The following ABHD17B variants were observed in gnomAD, a reference collection of about 807,000 sequenced individuals.
ABHD17B encodes the protein abhydrolase domain containing 17B, depalmitoylase.
ABHD17B carries 9 observed loss-of-function variants against 26.2 expected under a neutral mutation model. The observed-to-expected ratio is 0.34, with a 90% CI of 0.21 to 0.60. The LOEUF is 0.60. ABHD17B is among the 20% of genes least tolerant of loss of function. The pLI, the probability that ABHD17B is intolerant of heterozygous loss-of-function variation, is 0.80. For missense variants in ABHD17B, 224 were observed against 352.1 expected, an observed-to-expected ratio of 0.64 and a Z score of 2.91; for synonymous variants, 127 against 122.3, an observed-to-expected ratio of 1.04 and a Z score of -0.25.
chr9:71,863,542 T>TTAC (rs569020426), downstream of ABHD17B, among the ~76,000 whole-genome samples: 570 of 152,314 alleles, frequency 3.7e-3, 3 homozygotes, highest in Middle Eastern at 0.014. Flanking sequence ...TCAAACGACC[T>TTAC]TACACACAGT....
rs145153810 is a variant in ABHD17B at position 71,900,394 on chromosome 9, G to A, written c.-4+10240C>T. 1.4e-3 allele frequency among the ~76,000 whole-genome samples: 215 copies of A among 152,244 alleles called. 1 individual carries two copies. The highest frequency in any genetic ancestry group is 5.1e-3 in the African/African-American group (210 of 41,544). On this transcript the variant is annotated intron_variant, in intron 1 of 3. Coordinates refer to ENST00000333421, the MANE Select transcript of ABHD17B (RefSeq NM_001025780.3). ...GTAAAAAAATCAAGGTTCGGGGACG[G>A]TGGCTCGTGCCTGTAATCCCAGCAC...
chr9:71,875,830 C>T (rs1826258729), intron 1 of ABHD17B, among the ~76,000 whole-genome samples: 1 of 152,134 alleles, frequency 6.6e-6, no homozygotes, highest in African/African-American at 2.4e-5. Flanking sequence ...AGCTATTTGT[C>T]AGGCATTGTG....
chr9:71,865,767 A>C lies in ABHD17B; in HGVS notation c.*1020T>G, dbSNP rs1292485937. The stretch of plus-strand genomic sequence containing the variant: ...TACCAGCTACTCAGGAGGCTGAGGC[A>C]GGAGAATCACTTGATCCCGGGAGGC... On this transcript the variant is annotated 3_prime_UTR_variant, in exon 4 of 4. Transcript: ENST00000333421. The C allele has an allele frequency of 7.5e-6, 5 of 670,424 alleles. No homozygotes were observed. The highest frequency in any genetic ancestry group is 9.2e-6 in the Non-Finnish European group (5 of 542,786). 41.5% of individuals were successfully genotyped at this position (670,424 alleles called of 1,614,324 possible).
At chr9:71,873,696 A>AT (rs1021785792) in intron 2 of ABHD17B, among the ~76,000 whole-genome samples, 47 of 146,044 alleles carry the variant, frequency 3.2e-4, no homozygotes, top group South Asian at 8.7e-4. Context: ...GCGCCCAGAC[A>AT]TTTTTTTTTT....
chr9:71,892,897 T>C (rs1826833014), intron 1 of ABHD17B, among the ~76,000 whole-genome samples: 1 of 152,174 alleles, frequency 6.6e-6, no homozygotes, highest in Non-Finnish European at 1.5e-5. Context: ...TTATTTTTCA[T>C]CTTCCCCAAC....
In ABHD17B at chr9:71,870,132, C is replaced by T; in HGVS notation, c.598G>A (p.Val200Ile). ...GTCTTCTTGGTATCAGGAAAGGCAACTCGCATTCCCGAAGTCAGAGGAGAA... is the reference window on the plus strand; with the variant it reads ...GTCTTCTTGGTATCAGGAAAGGCAATTCGCATTCCCGAAGTCAGAGGAGAA... ...LHSPLTSGMRVAFPDTKKTYC... is the reference protein window; with the variant it reads ...LHSPLTSGMRIAFPDTKKTYC... The change falls in exon 3 of 4, where the codon GTT becomes ATT. Residue 200 changes from valine to isoleucine, a missense_variant. Transcript: ENST00000333421. The T allele has an allele frequency of 2.5e-6, 4 of 1,613,856 alleles. No individual in the cohort carries two copies. The highest frequency in any genetic ancestry group is 3.4e-6 in the Non-Finnish European group (4 of 1,179,906).
At chr9:71,903,270 T>C (rs554720837) in intron 1 of ABHD17B, among the ~76,000 whole-genome samples, 26 of 152,090 alleles carry the variant, frequency 1.7e-4, no homozygotes, top group Non-Finnish European at 3.4e-4. Context: ...TAACATCACC[T>C]CAGACACTAT....
At chr9:71,891,717 A>G (rs1205907469) in intron 1 of ABHD17B, among the ~76,000 whole-genome samples, 2 of 152,202 alleles carry the variant, frequency 1.3e-5, no homozygotes, top group Non-Finnish European at 2.9e-5. Flanking sequence ...AGTCAGTGTC[A>G]GTCTGTCTCT....
intron 1 of ABHD17B, among the ~76,000 whole-genome samples, chr9:71,903,235 T>A (rs552541200): frequency 3.9e-5 from 6 of 152,144 alleles, no homozygotes; most frequent in Admixed American, 3.3e-4. Context: ...ATGGGGTACA[T>A]GTGTTTGCTA....
At chr9:71,896,772 G>C (rs1372310044) in intron 1 of ABHD17B, among the ~76,000 whole-genome samples, 1 of 151,958 alleles carries the variant, frequency 6.6e-6, no homozygotes, top group Non-Finnish European at 1.5e-5. Flanking sequence ...GCAAATGACA[G>C]AATTAAAAGG....
At chr9:71,905,205 CTCT>C in intron 1 of ABHD17B, among the ~76,000 whole-genome samples, 1 of 151,992 alleles carries the variant, frequency 6.6e-6, no homozygotes, top group East Asian at 1.9e-4. Context: ...TCACTGCAAC[CTCT>C]GCCTCCCAGG....
At chr9:71,894,356 A>AT (rs898358493) in intron 1 of ABHD17B, among the ~76,000 whole-genome samples, 4 of 151,994 alleles carry the variant, frequency 2.6e-5, no homozygotes, top group African/African-American at 4.8e-5. Context: ...AATTTTTTAG[A>AT]TTTTTTAAAG....
chr9:71,892,343 T>G (rs1352628056), intron 1 of ABHD17B, among the ~76,000 whole-genome samples: 1 of 151,888 alleles, frequency 6.6e-6, no homozygotes, highest in African/African-American at 2.4e-5. Context: ...CCATCCTGGC[T>G]AACACGGTGA....
At chr9:71,890,089 C>G (rs1378519511) in intron 1 of ABHD17B, among the ~76,000 whole-genome samples, 1 of 151,462 alleles carries the variant, frequency 6.6e-6, no homozygotes, top group African/African-American at 2.4e-5. Context: ...TGGTGAGACC[C>G]TGTTTCTACT....
chr9:71,862,550 C>T (rs754387623), downstream of ABHD17B: 3 of 1,585,906 alleles, frequency 1.9e-6, no homozygotes, highest in Non-Finnish European at 8.6e-7. Context: ...ATACATAGTA[C>T]CGTCATTGAA....
At chr9:71,904,465 T>C (rs918630220) in intron 1 of ABHD17B, among the ~76,000 whole-genome samples, 1 of 152,222 alleles carries the variant, frequency 6.6e-6, no homozygotes, top group Non-Finnish European at 1.5e-5. Flanking sequence ...AAGTAACATT[T>C]AAATTTAGCC....
intron 1 of ABHD17B, among the ~76,000 whole-genome samples, chr9:71,880,475 A>G (rs576303619): frequency 3.3e-5 from 5 of 152,132 alleles, no homozygotes; most frequent in African/African-American, 7.2e-5. Context: ...TGAACTAAAG[A>G]AAAAAAACAC....
At chr9:71,890,396 T>C (rs1037533746) in intron 1 of ABHD17B, among the ~76,000 whole-genome samples, 2 of 152,334 alleles carry the variant, frequency 1.3e-5, no homozygotes, top group South Asian at 2.1e-4. Flanking sequence ...TTAGATATTA[T>C]AGCTGAACCT....
At chr9:71,875,626 GATT>G in intron 1 of ABHD17B, among the ~76,000 whole-genome samples, 1 of 152,210 alleles carries the variant, frequency 6.6e-6, no homozygotes, top group South Asian at 2.1e-4. Flanking sequence ...AAATAGCAGT[GATT>G]ATTATCTCAT....
Sources: gnomAD v4.1 joint callset for allele counts (sites outside exome capture counted in the v4.1 genomes callset) on GRCh38, gnomAD v4.1.1 for gene constraint, MANE v1.5 for transcripts, NCBI Gene and HGNC (gene_info 2026-07-23, HGNC 2026-07-21) for gene names.